The following GRAP2 variants were observed in gnomAD, a reference collection of about 807,000 sequenced individuals.
The protein encoded by GRAP2 is GRB2 related adaptor protein 2.
Under a neutral mutation model 43.5 loss-of-function variants are expected in GRAP2, and 31 were observed. The ratio of observed to expected loss-of-function variants is 0.71; its 90% CI spans 0.54 to 0.96. The LOEUF (loss-of-function observed/expected upper bound fraction) is 0.96. Ranked by LOEUF, GRAP2 falls within the 40% of genes least tolerant of loss-of-function variation. The probability of loss-of-function intolerance (pLI) is 0.00; values close to 1 mark genes in which losing one functional copy is unlikely to be tolerated. For synonymous variants in GRAP2, 156 were observed against 164.8 expected (o/e 0.95, Z 0.41); for missense variants, 371 against 424.4 (o/e 0.87, Z 1.11).
At chr22:39,970,470 A>T (rs2067227789) in intron 7 of GRAP2, among the ~76,000 whole-genome samples, 1 of 152,198 alleles carries the variant, frequency 6.6e-6, no homozygotes, top group African/African-American at 2.4e-5. Context: ...ACTCAAGATA[A>T]AAATACCACC....
chr22:39,894,249 A>G, the GRAP2 span, among the ~76,000 whole-genome samples: 1 of 151,604 alleles, frequency 6.6e-6, no homozygotes, highest in Non-Finnish European at 1.5e-5. Flanking sequence ...TTTTTTATTT[A>G]TTATTATTTA....
intron 1 of GRAP2, among the ~76,000 whole-genome samples, chr22:39,935,191 G>A (rs1200903273): frequency 6.6e-6 from 1 of 152,126 alleles, no homozygotes; most frequent in East Asian, 1.9e-4. Context: ...TCTTTTGTTC[G>A]TTCATTCTTT....
At chr22:39,952,611 A>G (rs2066998231) in intron 2 of GRAP2, among the ~76,000 whole-genome samples, 1 of 152,198 alleles carries the variant, frequency 6.6e-6, no homozygotes, top group Non-Finnish European at 1.5e-5. Flanking sequence ...TAGTGACACC[A>G]GCAGTCACAT....
At chr22:39,897,482 A>G (rs1190217209), upstream of GRAP2, among the ~76,000 whole-genome samples, 1 of 151,188 alleles carries the variant, frequency 6.6e-6, no homozygotes, top group Non-Finnish European at 1.5e-5. Flanking sequence ...TTTAAGCCAC[A>G]ACCATCTCTG....
At chr22:39,937,243 T>A (rs1397102098) in intron 1 of GRAP2, among the ~76,000 whole-genome samples, 2 of 152,202 alleles carry the variant, frequency 1.3e-5, no homozygotes, top group Non-Finnish European at 2.9e-5. Context: ...ATTGGCACAG[T>A]CTGGGTGGTG....
chr22:39,906,839 GTAGA>G (rs1264859171), intron 1 of GRAP2, among the ~76,000 whole-genome samples: 1 of 152,150 alleles, frequency 6.6e-6, no homozygotes, highest in Non-Finnish European at 1.5e-5. Flanking sequence ...TAAATAATAA[GTAGA>G]TAGTTCTCTT....
intron 7 of GRAP2, 129 bp from the exon 8 acceptor site, chr22:39,970,776 C>T (rs2067232573): frequency 2.4e-6 from 2 of 837,162 alleles, no homozygotes; most frequent in South Asian, 4.2e-5. Context: ...TTTTTTTAAG[C>T]TGCAGAGGGG....
Position 39,903,740 on chromosome 22 carries a change from G to A in GRAP2, c.-15+2410G>A, listed in dbSNP as rs138135733. ...GATTCGCCTGCCTCAGCCTCCCAAAGTGTTGGGATTACAGGTGTGAACCAC... is the reference window on the plus strand; with the variant it reads ...GATTCGCCTGCCTCAGCCTCCCAAAATGTTGGGATTACAGGTGTGAACCAC... On this transcript the variant is annotated intron_variant, in intron 1 of 7. Transcript: ENST00000344138. 2.6e-3 allele frequency among the ~76,000 whole-genome samples: 402 copies of A among 152,188 alleles called. 1 individual carries two copies. The highest frequency in any genetic ancestry group is 9.1e-3 in the African/African-American group (377 of 41,536).
chr22:39,928,170 C>G (rs1192130394), intron 1 of GRAP2, among the ~76,000 whole-genome samples: 2 of 152,152 alleles, frequency 1.3e-5, no homozygotes, highest in African/African-American at 4.8e-5. Context: ...ATGGATGAAA[C>G]ACCTCTTTTT....
chr22:39,914,978 C>G (rs1183396889), intron 1 of GRAP2, among the ~76,000 whole-genome samples: 1 of 151,952 alleles, frequency 6.6e-6, no homozygotes, highest in East Asian at 1.9e-4. Flanking sequence ...CACTCGAAGT[C>G]TGGAGTTGAA....
chr22:39,907,176 C>G (rs544953576), intron 1 of GRAP2, among the ~76,000 whole-genome samples: 7 of 149,962 alleles, frequency 4.7e-5, no homozygotes, highest in Non-Finnish European at 8.9e-5. Context: ...ACCATAAATA[C>G]GCTGATATCC....
chr22:39,894,850 G>T, the GRAP2 span, among the ~76,000 whole-genome samples: 1 of 152,206 alleles, frequency 6.6e-6, no homozygotes, highest in African/African-American at 2.4e-5. Flanking sequence ...CATAGTAAGA[G>T]AGAAGAGATC....
At chr22:39,907,784 T>C (rs1230171410) in intron 1 of GRAP2, among the ~76,000 whole-genome samples, 1 of 152,232 alleles carries the variant, frequency 6.6e-6, no homozygotes, top group East Asian at 1.9e-4. Context: ...ATTATCTTGT[T>C]TGATCTGGCT....
intron 4 of GRAP2, chr22:39,964,291 T>A (rs1022985852): frequency 3.0e-6 from 2 of 657,150 alleles, no homozygotes; most frequent in East Asian, 5.4e-5. Context: ...CCATCACTTG[T>A]GAGTCCAGAC....
upstream of GRAP2, among the ~76,000 whole-genome samples, chr22:39,899,853 G>T (rs1407190559): frequency 6.6e-6 from 1 of 152,104 alleles, no homozygotes; most frequent in Non-Finnish European, 1.5e-5. Flanking sequence ...AGGCATGGTG[G>T]CAGGTACCTG....
chr22:39,904,883 A>T (rs1282300442), intron 1 of GRAP2, among the ~76,000 whole-genome samples: 1 of 152,190 alleles, frequency 6.6e-6, no homozygotes, highest in Non-Finnish European at 1.5e-5. Context: ...TTGTTGCCTC[A>T]TGGTTAATTT....
chr22:39,958,343 C>T (rs576601560), intron 3 of GRAP2, among the ~76,000 whole-genome samples: 11 of 152,276 alleles, frequency 7.2e-5, no homozygotes, highest in African/African-American at 2.4e-4. Context: ...CGCCCCATCT[C>T]TCCTCTCAGT....
chr22:39,934,977 C>T (rs573579305), intron 1 of GRAP2, among the ~76,000 whole-genome samples: 49 of 152,234 alleles, frequency 3.2e-4, no homozygotes, highest in African/African-American at 5.1e-4. Context: ...CAGCCCAGCT[C>T]AGACCATATC....
At chr22:39,899,705 G>A (rs1050151383), upstream of GRAP2, among the ~76,000 whole-genome samples, 5 of 152,242 alleles carry the variant, frequency 3.3e-5, no homozygotes, top group African/African-American at 9.6e-5. Context: ...CTACAGGGCC[G>A]GGTGCGGTGG....
Sources: allele counts gnomAD v4.1 joint callset (sites outside exome capture counted in the v4.1 genomes callset), GRCh38; gene constraint gnomAD v4.1.1; transcripts MANE v1.5; gene names NCBI Gene and HGNC (gene_info 2026-07-23, HGNC 2026-07-21).